The following MDFIC variants were observed in gnomAD, a reference collection of about 807,000 sequenced individuals.
MDFIC encodes the protein myoD family inhibitor domain-containing protein.
MDFIC carries 17 observed loss-of-function variants against 23.2 expected under a neutral mutation model. The observed-to-expected ratio is 0.73, with a 90% CI of 0.50 to 1.10. The LOEUF is 1.10. MDFIC is among the 50% of genes least tolerant of loss of function. The pLI, the probability that MDFIC is intolerant of heterozygous loss-of-function variation, is 0.00. For synonymous variants in MDFIC, 120 were observed against 115.2 expected (o/e 1.04, Z -0.27); for missense variants, 356 against 316.6 (o/e 1.12, Z -0.95).
intron 4 of MDFIC, among the ~76,000 whole-genome samples, chr7:115,005,066 C>G (rs764162664): frequency 1.1e-4 from 16 of 152,230 alleles, no homozygotes; most frequent in Non-Finnish European, 2.4e-4. Context: ...AGAAAATACC[C>G]TGTGCTAGAT....
intron 2 of MDFIC, 40 bp from the exon 3 acceptor site, chr7:114,942,235 T>C (rs1385334937): frequency 8.0e-7 from 1 of 1,246,658 alleles, no homozygotes; most frequent in Admixed American, 3.0e-5. Flanking sequence ...GAGAAAAATA[T>C]ATAAAATCAA....
chr7:114,923,185 C>T, intron 2 of MDFIC, 58 bp downstream of exon 2: 1 of 1,523,232 alleles, frequency 6.6e-7, no homozygotes, highest in Admixed American at 2.0e-5. Context: ...TTTCAGTTTG[C>T]TCACAAGTGC....
At chr7:114,973,492 T>A (rs557199508) in intron 3 of MDFIC, among the ~76,000 whole-genome samples, 27 of 152,248 alleles carry the variant, frequency 1.8e-4, no homozygotes, top group African/African-American at 4.8e-4. Context: ...AGAACGTAGA[T>A]ACATACCTGA....
chr7:114,981,167 A>C (rs1194724532), intron 4 of MDFIC, among the ~76,000 whole-genome samples: 1 of 152,212 alleles, frequency 6.6e-6, no homozygotes, highest in Admixed American at 6.5e-5. Context: ...AAATAATTGA[A>C]TGCAATTGAA....
In MDFIC at chr7:114,922,957, A is replaced by G; in HGVS notation, c.-77A>G. ...GTCAGTTCCCTGCACCCAGCACCTC[A>G]CAGCCCTTCCTCCGTGCGCCCTGCC... is the stretch of plus-strand genomic sequence containing the variant. On this transcript the variant is annotated 5_prime_UTR_variant, in exon 2 of 5. Transcript: ENST00000393486. 1.3e-6 allele frequency: 2 copies of G among 1,578,800 alleles called. No homozygotes were observed. The highest frequency in any genetic ancestry group is 1.7e-6 in the Non-Finnish European group (2 of 1,163,438).
intron 4 of MDFIC, among the ~76,000 whole-genome samples, chr7:114,999,196 T>C (rs1562826201): frequency 6.6e-6 from 1 of 152,220 alleles, no homozygotes; most frequent in Non-Finnish European, 1.5e-5. Flanking sequence ...CAGTGATTAA[T>C]GACACTTTCC....
intron 3 of MDFIC, among the ~76,000 whole-genome samples, chr7:114,976,856 C>CT (rs36014646): frequency 2.4e-4 from 36 of 149,344 alleles, no homozygotes; most frequent in African/African-American, 3.7e-4. Context: ...TGCAAACTGT[C>CT]TTTTTTTTTT....
At chr7:114,996,107 G>A (rs1791321502) in intron 4 of MDFIC, among the ~76,000 whole-genome samples, 1 of 152,154 alleles carries the variant, frequency 6.6e-6, no homozygotes, top group African/African-American at 2.4e-5. Context: ...ACTGCATCAG[G>A]CTATGGCAGA....
At chr7:114,986,946 A>C (rs1374389087) in intron 4 of MDFIC, among the ~76,000 whole-genome samples, 1 of 152,212 alleles carries the variant, frequency 6.6e-6, no homozygotes, top group African/African-American at 2.4e-5. Context: ...TTCAGAAAAA[A>C]GTGAGTTAGG....
At chr7:115,002,145 A>G (rs941564241) in intron 4 of MDFIC, among the ~76,000 whole-genome samples, 1 of 148,632 alleles carries the variant, frequency 6.7e-6, no homozygotes, top group African/African-American at 2.4e-5. Flanking sequence ...TCAAAAAACA[A>G]AAAACAAACA....
At chr7:114,929,408 A>T (rs569788364) in intron 2 of MDFIC, among the ~76,000 whole-genome samples, 5 of 152,150 alleles carry the variant, frequency 3.3e-5, no homozygotes, top group Non-Finnish European at 7.4e-5. Flanking sequence ...CCCAGCTTCC[A>T]TTCCTTTTTA....
rs1429784220 is a variant in MDFIC, at chr7:115,017,583, T to G, written c.*1648T>G. On this transcript the variant is annotated 3_prime_UTR_variant, in exon 5 of 5. Coordinates refer to ENST00000393486, the MANE Select transcript of MDFIC (RefSeq NM_001166345.3). ...ACGATTTTATGTTAAATTAAACTAATATGGCAGGTTATAATGATCCTTAAG... is the reference window on the plus strand; with the variant it reads ...ACGATTTTATGTTAAATTAAACTAAGATGGCAGGTTATAATGATCCTTAAG... 1 of 152,150 alleles carries G rather than the reference T, an allele frequency of 6.6e-6. No homozygotes were observed. The highest frequency in any genetic ancestry group is 1.5e-5 in the Non-Finnish European group (1 of 67,838). The allele number at this position is 152,150 out of a possible 1,614,324, so 9.4% of individuals were successfully genotyped here.
intron 4 of MDFIC, among the ~76,000 whole-genome samples, chr7:114,991,326 T>C (rs1433725830): frequency 1.3e-5 from 2 of 152,204 alleles, no homozygotes; most frequent in Non-Finnish European, 2.9e-5. Context: ...GGTAGTTTCT[T>C]TTGCTGTGCA....
intron 2 of MDFIC, among the ~76,000 whole-genome samples, chr7:114,935,865 T>C (rs914269846): frequency 1.3e-5 from 2 of 152,080 alleles, no homozygotes; most frequent in Non-Finnish European, 2.9e-5. Flanking sequence ...TATTGTCTGG[T>C]TTTTCATATA....
intron 3 of MDFIC, among the ~76,000 whole-genome samples, chr7:114,943,597 G>T (rs1389895989): frequency 6.6e-6 from 1 of 152,078 alleles, no homozygotes; most frequent in Non-Finnish European, 1.5e-5. Flanking sequence ...TTTATCCAAA[G>T]AATCATATAA....
intron 2 of MDFIC, among the ~76,000 whole-genome samples, chr7:114,923,893 A>G (rs527878436): frequency 3.0e-4 from 45 of 152,356 alleles, no homozygotes; most frequent in African/African-American, 9.9e-4. Context: ...TGTCACTGAT[A>G]TATCAGAACT....
At chr7:115,014,225 G>A (rs1263969581) in intron 4 of MDFIC, 1 of 985,294 alleles carries the variant, frequency 1.0e-6, no homozygotes, top group Non-Finnish European at 1.2e-6. Flanking sequence ...GAGTTAGGGA[G>A]TTTAGGATGG....
intron 3 of MDFIC, among the ~76,000 whole-genome samples, chr7:114,958,468 C>T (rs932285429): frequency 4.6e-5 from 7 of 152,198 alleles, no homozygotes; most frequent in African/African-American, 7.2e-5. Flanking sequence ...ACTATTTTCC[C>T]GGCTGGGCAA....
At chr7:114,962,901 C>A (rs1793023173) in intron 3 of MDFIC, among the ~76,000 whole-genome samples, 1 of 152,144 alleles carries the variant, frequency 6.6e-6, no homozygotes, top group Non-Finnish European at 1.5e-5. Flanking sequence ...AGCCTAAGAA[C>A]AATTTTCACT....
Sources: gnomAD v4.1 joint callset for allele counts (sites outside exome capture counted in the v4.1 genomes callset) on GRCh38, gnomAD v4.1.1 for gene constraint, MANE v1.5 for transcripts, NCBI Gene and HGNC (gene_info 2026-07-23, HGNC 2026-07-21) for gene names.